The following MSH4 variants were observed in gnomAD, a reference collection of about 807,000 sequenced individuals.
The protein encoded by MSH4 is mutS protein homolog 4.
In MSH4, 106 loss-of-function variants were observed where a neutral mutation model predicts 113.7. The ratio of observed to expected loss-of-function variants is 0.93; its 90% confidence interval spans 0.80 to 1.10. The LOEUF is 1.10. Ranked by LOEUF, MSH4 falls within the 50% of genes least tolerant of loss-of-function variation. The pLI, the probability that MSH4 is intolerant of heterozygous loss-of-function variation, is 0.00. For missense variants in MSH4, 1,061 were observed against 1,093.7 expected, an observed-to-expected ratio of 0.97 and a Z score of 0.42; for synonymous variants, 368 against 380.2, an observed-to-expected ratio of 0.97 and a Z score of 0.37.
At chr1:75,822,752 G>A (rs896548289) in intron 7 of MSH4, among the ~76,000 whole-genome samples, 171 bp downstream of exon 7, 2 of 151,910 alleles carry the variant, frequency 1.3e-5, no homozygotes, top group Non-Finnish European at 2.9e-5. Context: ...AATAATTTCA[G>A]GGGTACATTA....
At chr1:75,826,338 A>T (rs919987814) in intron 7 of MSH4, among the ~76,000 whole-genome samples, 1 of 152,042 alleles carries the variant, frequency 6.6e-6, no homozygotes, top group Non-Finnish European at 1.5e-5. Flanking sequence ...TATTGTGTCT[A>T]TTTGATTCTT....
Position 75,912,983 on chromosome 1 carries a change from A to G in MSH4, c.*96A>G. The G allele has an allele frequency of 1.5e-6, 1 of 666,260 alleles. No homozygotes were observed. Among genetic ancestry groups the G allele is most frequent in the Non-Finnish European group, 2.2e-6 (1 of 445,854 alleles). The allele number at this position is 666,260 out of a possible 1,614,324, so 41.3% of individuals were successfully genotyped here. ...GAAAATAACATTTGCCAAATTTCAT[A>G]TTTTAATTGAAAATTACATTATATT... On this transcript the variant is annotated 3_prime_UTR_variant, in exon 20 of 20. Coordinates refer to ENST00000263187, the MANE Select transcript of MSH4 (RefSeq NM_002440.4).
chr1:75,807,114 G>A lies in MSH4; in HGVS notation c.561G>A (p.Gln187=), dbSNP rs1482706505. ...AAAACCCCCAAATTATACTATCCCA[G>A]TTTGCAGACAACACAACATATGCAA... is the stretch of plus-strand genomic sequence containing the variant. ...DLKNPQIILS[Q]FADNTTYAKV... Residue 187 remains glutamine, a synonymous_variant, in exon 3 of 20, where the codon CAG becomes CAA. Coordinates refer to ENST00000263187, the MANE Select transcript of MSH4 (RefSeq NM_002440.4). 1.3e-6 allele frequency: 2 copies of A among 1,571,482 alleles called. No individual in the cohort carries two copies. The highest frequency in any genetic ancestry group is 1.7e-6 in the Non-Finnish European group (2 of 1,167,504).
At chr1:75,895,785 T>C (rs1652366283) in intron 17 of MSH4, among the ~76,000 whole-genome samples, 1 of 152,140 alleles carries the variant, frequency 6.6e-6, no homozygotes, top group Admixed American at 6.5e-5. Flanking sequence ...AAGGGGTTAG[T>C]GCTTTCTCAG....
intron 11 of MSH4, among the ~76,000 whole-genome samples, chr1:75,878,600 T>C (rs1016678788): frequency 6.6e-6 from 1 of 152,034 alleles, no homozygotes; most frequent in African/African-American, 2.4e-5. Flanking sequence ...GTCCAGGAGT[T>C]TGAGGCTAGC....
At chr1:75,851,480 C>A (rs146809638) in intron 8 of MSH4, among the ~76,000 whole-genome samples, 1 of 152,056 alleles carries the variant, frequency 6.6e-6, no homozygotes, top group Non-Finnish European at 1.5e-5. Context: ...GGCGCCATCT[C>A]GGCTCACTGC....
intron 1 of MSH4, among the ~76,000 whole-genome samples, chr1:75,802,329 A>C (rs544183336): frequency 7.3e-4 from 111 of 152,344 alleles, no homozygotes; most frequent in African/African-American, 2.5e-3. Context: ...TTGATTTGTG[A>C]GGGAAAGCTT....
intron 7 of MSH4, among the ~76,000 whole-genome samples, chr1:75,841,910 C>T (rs7548391): frequency 0.21 from 31,511 of 152,000 alleles, 3,820 homozygotes; most frequent in African/African-American, 0.3. Flanking sequence ...AAACTATTGG[C>T]GAAAAGAGCC....
chr1:75,904,474 G>T (rs1008973941), intron 19 of MSH4, among the ~76,000 whole-genome samples: 1 of 151,818 alleles, frequency 6.6e-6, no homozygotes, highest in African/African-American at 2.4e-5. Flanking sequence ...GTATAATGCA[G>T]CAGTGAAGTC....
chr1:75,885,049 G>GTATATA (rs1431311570), intron 15 of MSH4, among the ~76,000 whole-genome samples: 3 of 109,074 alleles, frequency 2.8e-5, no homozygotes, highest in African/African-American at 9.2e-5. Flanking sequence ...GTGTGTGTGT[G>GTATATA]TGTGTGTGTG....
intron 8 of MSH4, among the ~76,000 whole-genome samples, chr1:75,863,489 C>T (rs1651504086): frequency 6.6e-6 from 1 of 152,012 alleles, no homozygotes; most frequent in South Asian, 2.1e-4. Context: ...TTACTTCCCC[C>T]TCTACTTTTC....
rs71071968 is a variant in MSH4 at position 75,836,302 on chromosome 1, C to CTTTTT, written c.1163-11897_1163-11893dup. Among the ~76,000 whole-genome samples the CTTTTT allele has an allele frequency of 1.8e-3, 248 of 135,936 alleles. 4 individuals carry two copies. The highest frequency in any genetic ancestry group is 3.6e-3 in the Admixed American group (46 of 12,946). 89.2% of individuals were successfully genotyped at this position (135,936 alleles called of 152,430 possible). A position where few individuals can be genotyped will look rare whatever the true frequency, so the allele number is the denominator to read the frequency against. On this transcript the variant is annotated intron_variant, in intron 7 of 19. Transcript: ENST00000263187. ...TCTTTTTCTCTTTTTCTTTCTTTTT[C>CTTTTT]TTTTTTTTTTTTTTGAGACAAGGTC...
At chr1:75,899,831 A>T (rs1434268305) in intron 19 of MSH4, 125 bp downstream of exon 19, 2 of 300,482 alleles carry the variant, frequency 6.7e-6, no homozygotes, top group Non-Finnish European at 1.2e-5. Flanking sequence ...TAAAATTAAA[A>T]CCTAATTTCT....
intron 2 of MSH4, among the ~76,000 whole-genome samples, chr1:75,806,023 A>G (rs1197314774): frequency 6.6e-6 from 1 of 152,044 alleles, no homozygotes; most frequent in Non-Finnish European, 1.5e-5. Flanking sequence ...GTTGTAAAAT[A>G]CTACCTGAGT....
At position 75,879,143 on chromosome 1, in the gene MSH4, G is replaced by C; in HGVS notation, c.1677+15G>C. 1 of 1,602,650 alleles carries C rather than the reference G, an allele frequency of 6.2e-7. No homozygotes were observed. On this transcript the variant is annotated intron_variant, in intron 12 of 19. Coordinates refer to ENST00000263187, the MANE Select transcript of MSH4 (RefSeq NM_002440.4). ...AATTTATTAAGGTTCATTTTAGAGT[G>C]GTTAGGAAATTAGTGTTTCTGATTT...
At chr1:75,879,326 T>C (rs938135629) in intron 12 of MSH4, among the ~76,000 whole-genome samples, 198 bp downstream of exon 12, 9 of 152,182 alleles carry the variant, frequency 5.9e-5, no homozygotes, top group Non-Finnish European at 1.2e-4. Flanking sequence ...ACTCAGTGTT[T>C]TCCACAGTTC....
chr1:75,907,122 C>G (rs1213768083), intron 19 of MSH4, among the ~76,000 whole-genome samples: 2 of 152,004 alleles, frequency 1.3e-5, no homozygotes, highest in Non-Finnish European at 2.9e-5. Context: ...GTTTGTTTGT[C>G]TTTTGCATGT....
intron 7 of MSH4, among the ~76,000 whole-genome samples, chr1:75,841,268 A>C (rs1274104414): frequency 6.0e-5 from 9 of 149,502 alleles, no homozygotes; most frequent in Non-Finnish European, 1.2e-4. Flanking sequence ...TGGCACTATC[A>C]TATCTTACTA....
intron 4 of MSH4, 58 bp from the exon 5 acceptor site, chr1:75,814,963 G>A: frequency 1.0e-6 from 1 of 976,854 alleles, no homozygotes; most frequent in Non-Finnish European, 1.6e-6. Flanking sequence ...TAAGAAAGCA[G>A]TTTTGGGCAA....
Sources: allele counts gnomAD v4.1 joint callset (sites outside exome capture counted in the v4.1 genomes callset), GRCh38; gene constraint gnomAD v4.1.1; transcripts MANE v1.5; gene names NCBI Gene and HGNC (gene_info 2026-07-23, HGNC 2026-07-21).